GALNT13: variants seen among roughly 807,000 people sequenced by gnomAD.
GALNT13 encodes the protein UDP-GalNAc:polypeptide N-acetylgalactosaminyltransferase 13.
A neutral mutation model predicts 64.2 loss-of-function variants in GALNT13; 28 were observed. The ratio of observed to expected loss-of-function variants is 0.44; its 90% CI spans 0.32 to 0.60. The LOEUF is 0.60. Ranked by LOEUF, GALNT13 falls within the 20% of genes least tolerant of loss-of-function variation. The pLI is 0.05. For missense variants in GALNT13, 577 were observed against 669.8 expected (o/e 0.86, Z 1.53); for synonymous variants, 214 against 224.6 (o/e 0.95, Z 0.42).
At chr2:154,242,585 T>G (rs944906787) in intron 5 of GALNT13, 113 bp from the exon 6 acceptor site, 2 of 664,494 alleles carry the variant, frequency 3.0e-6, no homozygotes, top group Non-Finnish European at 5.2e-6. Flanking sequence ...CAGTAAATAC[T>G]GATAGGAATT....
the GALNT13 span, among the ~76,000 whole-genome samples, chr2:153,836,335 C>G: frequency 6.6e-6 from 1 of 151,894 alleles, no homozygotes; most frequent in Non-Finnish European, 1.5e-5. Context: ...TGTTTTCTTG[C>G]GGTTAGAACA....
chr2:153,629,090 G>C, the GALNT13 span, among the ~76,000 whole-genome samples: 2 of 152,150 alleles, frequency 1.3e-5, no homozygotes, highest in East Asian at 1.9e-4. Context: ...TATATGTGTC[G>C]AGGAATTTAT....
At chr2:153,610,965 A>T in the GALNT13 span, among the ~76,000 whole-genome samples, 4 of 152,154 alleles carry the variant, frequency 2.6e-5, no homozygotes. Flanking sequence ...ATAAAGGTAA[A>T]ATTATAGGAA....
intron 11 of GALNT13, among the ~76,000 whole-genome samples, chr2:154,417,509 A>ATTTATTTG (rs1553529831): frequency 1.5e-5 from 2 of 133,402 alleles, no homozygotes; most frequent in African/African-American, 6.2e-5. Context: ...TTATTTATTT[A>ATTTATTTG]TTTATTTATT....
chr2:153,884,099 A>G (rs1574039403), intron 1 of GALNT13, among the ~76,000 whole-genome samples: 1 of 152,152 alleles, frequency 6.6e-6, no homozygotes, highest in East Asian at 1.9e-4. Context: ...TAGTGTCTAT[A>G]GTTAATATAA....
chr2:153,943,446 A>G (rs892312678), intron 2 of GALNT13, among the ~76,000 whole-genome samples: 15 of 151,790 alleles, frequency 9.9e-5, no homozygotes, highest in Admixed American at 9.9e-4. Flanking sequence ...GAATATGAGA[A>G]CAATTTTTTC....
At chr2:153,870,853 G>T (rs1225169394), upstream of GALNT13, among the ~76,000 whole-genome samples, 1 of 151,748 alleles carries the variant, frequency 6.6e-6, no homozygotes, top group Non-Finnish European at 1.5e-5. Context: ...TGTGTGAAGT[G>T]ACACTGTGAG....
chr2:154,445,202 T>C (rs993133615), intron 12 of GALNT13, among the ~76,000 whole-genome samples: 1 of 152,032 alleles, frequency 6.6e-6, no homozygotes, highest in Non-Finnish European at 1.5e-5. Context: ...TCTTTGACTA[T>C]TTTTTCATGG....
chr2:153,556,617 T>TCTGAAAA, the GALNT13 span, among the ~76,000 whole-genome samples: 2 of 152,200 alleles, frequency 1.3e-5, no homozygotes, highest in South Asian at 2.1e-4. Flanking sequence ...CAAGCCATAT[T>TCTGAAAA]CTGAAAACTC....
rs189682919 is a variant in GALNT13, at chr2:154,328,562, G to A, written c.1156+26973G>A. 6.6e-5 allele frequency among the ~76,000 whole-genome samples: 10 copies of A among 152,116 alleles called. No homozygotes were observed. The South Asian group carries it at 1.0e-3, about 16-fold the overall frequency. On this transcript the variant is annotated intron_variant, in intron 9 of 12. Coordinates refer to ENST00000392825, the MANE Select transcript of GALNT13 (RefSeq NM_052917.4). Reference sequence around the variant, plus strand: ...CTGGGGCTTGGTACTGAAAGTGTGCGGTCCAGGGACTAGCAACATCAGCAT... The same window carrying A: ...CTGGGGCTTGGTACTGAAAGTGTGCAGTCCAGGGACTAGCAACATCAGCAT...
the GALNT13 span, among the ~76,000 whole-genome samples, chr2:153,565,009 TCTTCTAA>T: frequency 6.6e-6 from 1 of 152,098 alleles, no homozygotes; most frequent in African/African-American, 2.4e-5. Context: ...GGAAATGCAT[TCTTCTAA>T]CAAGCTGAAT....
intron 1 of GALNT13, among the ~76,000 whole-genome samples, chr2:153,894,115 ACT>A (rs1442421957): frequency 6.6e-6 from 1 of 151,734 alleles, no homozygotes; most frequent in East Asian, 1.9e-4. Flanking sequence ...GTCATTGAAC[ACT>A]CTTCACGTTG....
the GALNT13 span, among the ~76,000 whole-genome samples, chr2:153,688,230 A>G: frequency 5.3e-5 from 8 of 151,926 alleles, no homozygotes; most frequent in Non-Finnish European, 7.4e-5. Context: ...GTTGTAAGAG[A>G]CTGTGTGACC....
intron 1 of GALNT13, among the ~76,000 whole-genome samples, chr2:153,881,355 A>G (rs953745945): frequency 6.6e-6 from 1 of 152,224 alleles, no homozygotes; most frequent in African/African-American, 2.4e-5. Context: ...TAATTTTAAC[A>G]ATTTATATTC....
At chr2:153,119,691 A>C in the GALNT13 span, among the ~76,000 whole-genome samples, 1 of 152,220 alleles carries the variant, frequency 6.6e-6, no homozygotes. Context: ...ATGCCAGGTT[A>C]GAAGAGCCAA....
chr2:154,304,680 T>C (rs1338928888), intron 9 of GALNT13, among the ~76,000 whole-genome samples: 1 of 152,234 alleles, frequency 6.6e-6, no homozygotes, highest in Non-Finnish European at 1.5e-5. Context: ...AAATGCCTGC[T>C]ATCTGGAACT....
At chr2:154,441,048 C>T (rs781369781) in intron 12 of GALNT13, among the ~76,000 whole-genome samples, 22 of 152,138 alleles carry the variant, frequency 1.4e-4, no homozygotes, top group Non-Finnish European at 2.6e-4. Context: ...ATGCAGGATC[C>T]GAACCCATGC....
intron 4 of GALNT13, among the ~76,000 whole-genome samples, chr2:154,195,318 T>C (rs985808076): frequency 1.1e-4 from 16 of 152,178 alleles, no homozygotes; most frequent in African/African-American, 3.9e-4. Flanking sequence ...CATTTCAAGT[T>C]ACAGTGCTAT....
chr2:153,112,206 G>C, the GALNT13 span, among the ~76,000 whole-genome samples: 27 of 152,174 alleles, frequency 1.8e-4, no homozygotes, highest in African/African-American at 5.1e-4. Context: ...TTGCGAGTTT[G>C]GGTAGAATAA....
Sources: gnomAD v4.1 joint callset for allele counts (sites outside exome capture counted in the v4.1 genomes callset) on GRCh38, gnomAD v4.1.1 for gene constraint, MANE v1.5 for transcripts, NCBI Gene and HGNC (gene_info 2026-07-23, HGNC 2026-07-21) for gene names.